Variants in IDH1 observed in about 807,000 individuals in gnomAD.
The protein encoded by IDH1 is isocitrate dehydrogenase (NADP(+)) 1, also known as isocitrate dehydrogenase [NADP] cytoplasmic.
Under a neutral mutation model 46.1 loss-of-function variants are expected in IDH1, and 33 were observed. That is an observed-to-expected ratio of 0.72 (90% CI 0.54 to 0.96). The LOEUF (loss-of-function observed/expected upper bound fraction) is 0.96. Among genes scored for constraint, IDH1 ranks in the 40% least tolerant of loss-of-function variants. The probability of loss-of-function intolerance (pLI) is 0.00; values close to 1 mark genes in which losing one functional copy is unlikely to be tolerated. For missense variants in IDH1, 421 were observed against 515.7 expected, an observed-to-expected ratio of 0.82 and a Z score of 1.78; for synonymous variants, 144 against 172.8, an observed-to-expected ratio of 0.83 and a Z score of 1.31.
intron 4 of IDH1, among the ~76,000 whole-genome samples, chr2:208,246,635 T>TAAAAA (rs369672159): frequency 1.5e-5 from 2 of 136,424 alleles, no homozygotes; most frequent in Non-Finnish European, 3.1e-5. Flanking sequence ...CCAAAATAAT[T>TAAAAA]AAAAAAAAAA....
At chr2:208,245,142 C>A (rs1175338060) in intron 5 of IDH1, among the ~76,000 whole-genome samples, 177 bp downstream of exon 5, 5 of 152,070 alleles carry the variant, frequency 3.3e-5, no homozygotes, top group Non-Finnish European at 5.9e-5. Context: ...TTTATTCATG[C>A]CACAGGAAGG....
In IDH1 at chr2:208,248,402, A is replaced by G. The variant is rs1411285888; in HGVS notation, c.381T>C (p.Pro127=). Residue 127 remains proline (P), a synonymous_variant, in exon 4 of 10, where the codon CCT becomes CCC. Transcript: ENST00000345146. ...IPRLVSGWVK[P]IIIGRHAYGD... is the part of the protein sequence containing the mutation. ...CATAAGCATGACGACCTATGATGAT[A>G]GGTTTTACCCATCCACTCACAAGCC... 1.2e-6 allele frequency: 2 copies of G among 1,613,938 alleles called. No individual in the cohort carries two copies. Among genetic ancestry groups the G allele is most frequent in the East Asian group, 2.2e-5 (1 of 44,880 alleles).
chr2:208,254,713 C>T (rs896640665), intron 1 of IDH1, among the ~76,000 whole-genome samples: 1 of 152,184 alleles, frequency 6.6e-6, no homozygotes, highest in South Asian at 2.1e-4. Flanking sequence ...CCCTCCCAGG[C>T]CCAAAAGCAG....
At chr2:208,251,392 C>T in intron 3 of IDH1, 38 bp downstream of exon 3, 1 of 1,610,320 alleles carries the variant, frequency 6.2e-7, no homozygotes, top group East Asian at 2.2e-5. Flanking sequence ...CCAGATTATC[C>T]TTTCTGAGTT....
Position 208,238,954 on chromosome 2 carries a change from G to C in IDH1, c.1154+117C>G, listed in dbSNP as rs921265831. ...ATCTGACAATTTACAGATATCTGCTGACTCCTGAACTAGATGATGAATAAC... is the reference window on the plus strand; with the variant it reads ...ATCTGACAATTTACAGATATCTGCTCACTCCTGAACTAGATGATGAATAAC... On this transcript the variant is annotated intron_variant, in intron 9 of 9. Coordinates refer to ENST00000345146, the MANE Select transcript of IDH1 (RefSeq NM_005896.4). 1.4e-5 allele frequency: 13 copies of C among 937,730 alleles called. No homozygotes were observed. The African/African-American group carries it at 2.1e-4, about 15-fold the overall frequency. The allele number at this position is 937,730 out of a possible 1,614,324, so 58.1% of individuals were successfully genotyped here.
chr2:208,251,217 CT>C (rs569764092), intron 3 of IDH1: 13,941 of 371,442 alleles, frequency 0.038, 3 homozygotes, highest in East Asian at 0.047. Flanking sequence ...AGATTATATT[CT>C]TTTTTTTTTT....
intron 9 of IDH1, among the ~76,000 whole-genome samples, chr2:208,238,757 A>G (rs1181166403): frequency 1.3e-5 from 2 of 152,268 alleles, no homozygotes; most frequent in Admixed American, 6.5e-5. Context: ...ACAGCCCAGC[A>G]CATGAACCAA....
At chr2:208,250,533 G>A (rs1688103297) in intron 3 of IDH1, among the ~76,000 whole-genome samples, 1 of 152,150 alleles carries the variant, frequency 6.6e-6, no homozygotes, top group Non-Finnish European at 1.5e-5. Context: ...CACACTTAGA[G>A]TTGCCAATAG....
chr2:208,239,190 C>T lies in IDH1; in HGVS notation c.1035G>A (p.Lys345=), dbSNP rs1261418985. The T allele has an allele frequency of 8.1e-6, 13 of 1,613,992 alleles. 1 individual carries two copies. The highest frequency in any genetic ancestry group is 1.0e-5 in the Non-Finnish European group (12 of 1,180,010). ...AWTRGLAHRA[K]LDNNKELAFF... ...AGGCAAGCTCTTTATTGTTATCAAGCTTTGCTCTGTGGGCTAACCCTCTGG... is the reference window on the plus strand; with the variant it reads ...AGGCAAGCTCTTTATTGTTATCAAGTTTTGCTCTGTGGGCTAACCCTCTGG... The change falls in exon 9 of 10, where the codon AAG becomes AAA. Residue 345 remains lysine (K), a synonymous_variant. Coordinates refer to ENST00000345146, the MANE Select transcript of IDH1 (RefSeq NM_005896.4).
Position 208,240,261 on chromosome 2 carries a change from C to T in IDH1, c.851-258G>A, listed in dbSNP as rs560543343. On this transcript the variant is annotated intron_variant, in intron 7 of 9. Transcript: ENST00000345146. ...TACTCCTTGATGGAGGGTTCAGGGT[C>T]CAACTGCCTACATTCCACTCTAGTT... is the stretch of plus-strand genomic sequence containing the variant. 12 of 505,732 alleles carry T rather than the reference C, an allele frequency of 2.4e-5. No homozygotes were observed. The South Asian group carries it at 2.4e-4, about 10-fold the overall frequency. 31.3% of individuals were successfully genotyped at this position (505,732 alleles called of 1,614,324 possible).
intron 2 of IDH1, among the ~76,000 whole-genome samples, chr2:208,253,386 G>A (rs1217835373): frequency 6.6e-6 from 1 of 152,084 alleles, no homozygotes; most frequent in Non-Finnish European, 1.5e-5. Flanking sequence ...ATTTCTTCTG[G>A]ATCTGATTTC....
intron 9 of IDH1, among the ~76,000 whole-genome samples, chr2:208,238,568 A>G (rs1228943444): frequency 1.3e-5 from 2 of 152,244 alleles, no homozygotes; most frequent in Admixed American, 1.3e-4. Flanking sequence ...ACTGTAATCA[A>G]TTGCACACCT....
At position 208,243,427 on chromosome 2, in the gene IDH1, T is replaced by G; in HGVS notation, c.698A>C (p.Lys233Thr). ...AAAGTTAAAAAAGAACTATAGTTAC[T>G]TGTCATATATCTCCTGAAAGATGTC... ...FKDIFQEIYD[K>T]QYKSQFEAQK... Residue 233 changes from lysine to threonine, a missense_variant and splice_region_variant, in exon 6 of 10, where the codon AAG becomes ACG. By Grantham distance (78) the Lys-to-Thr change is moderately conservative. Transcript: ENST00000345146. 6.2e-7 allele frequency: 1 copy of G among 1,607,574 alleles called. No individual in the cohort carries two copies. Among genetic ancestry groups the G allele is most frequent in the Non-Finnish European group, 8.5e-7 (1 of 1,174,232 alleles).
At chr2:208,245,198 A>G in intron 5 of IDH1, 121 bp downstream of exon 5, 1 of 675,978 alleles carries the variant, frequency 1.5e-6, no homozygotes, top group Non-Finnish European at 2.6e-6. Context: ...GGTTTTGCAA[A>G]AACACTGTAG....
chr2:208,252,535 A>C (rs1279916604), intron 2 of IDH1, among the ~76,000 whole-genome samples: 2 of 152,236 alleles, frequency 1.3e-5, no homozygotes, highest in East Asian at 3.8e-4. Context: ...GAGCCTGCTA[A>C]AAGTTATCTA....
chr2:208,244,862 G>A (rs981957368), intron 5 of IDH1, among the ~76,000 whole-genome samples: 18 of 152,262 alleles, frequency 1.2e-4, no homozygotes, highest in Middle Eastern at 3.4e-3. Context: ...AAAAGCAAAT[G>A]TTCTACTTTT....
intron 5 of IDH1, among the ~76,000 whole-genome samples, chr2:208,244,755 C>G (rs1687984836): frequency 6.6e-6 from 1 of 152,164 alleles, no homozygotes; most frequent in Non-Finnish European, 1.5e-5. Context: ...CTTTCAACAA[C>G]TTCAATAGTG....
At chr2:208,254,476 G>C (rs1281347458) in intron 1 of IDH1, 1 of 152,244 alleles carries the variant, frequency 6.6e-6, no homozygotes, top group Non-Finnish European at 1.5e-5. Flanking sequence ...GCGAGGGATC[G>C]GCTTCAAGGC....
chr2:208,242,502 GTTCTAC>G (rs1687939511), intron 6 of IDH1, among the ~76,000 whole-genome samples: 1 of 152,114 alleles, frequency 6.6e-6, no homozygotes, highest in Non-Finnish European at 1.5e-5. Flanking sequence ...TGAAAAGACT[GTTCTAC>G]TTCTTGGTGT....
Sources: gnomAD v4.1 joint callset for allele counts (sites outside exome capture counted in the v4.1 genomes callset) on GRCh38, gnomAD v4.1.1 for gene constraint, MANE v1.5 for transcripts, NCBI Gene and HGNC (gene_info 2026-07-23, HGNC 2026-07-21) for gene names.